The following MCM4 variants were observed in gnomAD, a reference collection of about 807,000 sequenced individuals.
MCM4 encodes the protein DNA replication licensing factor MCM4.
MCM4 carries 60 observed loss-of-function variants against 88.7 expected under a neutral mutation model. The observed-to-expected ratio is 0.68, with a 90% CI of 0.55 to 0.84. The LOEUF (loss-of-function observed/expected upper bound fraction) is 0.84. MCM4 is among the 40% of genes least tolerant of loss of function. The pLI is 0.00. For missense variants in MCM4, 1,149 were observed against 1,105.5 expected (o/e 1.04, Z -0.56); for synonymous variants, 465 against 410.5 (o/e 1.13, Z -1.61).
chr8:47,964,464 C>G, intron 7 of MCM4, 110 bp from the exon 8 acceptor site: 1 of 763,998 alleles, frequency 1.3e-6, no homozygotes, highest in East Asian at 2.7e-5. Flanking sequence ...TAGGGTAATA[C>G]TTTGGGGACA....
intron 3 of MCM4, 185 bp from the exon 4 acceptor site, chr8:47,961,868 A>G: frequency 1.1e-6 from 1 of 914,676 alleles, no homozygotes; most frequent in Non-Finnish European, 1.6e-6. Flanking sequence ...CTTAGTGAGC[A>G]GAGGAAGCAG....
chr8:47,974,465 C>T (rs776176036), intron 14 of MCM4: 14 of 413,734 alleles, frequency 3.4e-5, no homozygotes, highest in Non-Finnish European at 5.8e-5. Flanking sequence ...TTCAGAGCTA[C>T]GTTAGATGCC....
Position 47,969,225 on chromosome 8 carries a change from C to CTTTTG in MCM4, c.1175-549_1175-545dup, listed in dbSNP as rs112381873. ...ATTTGCAGAAACCTGGGTTCTTTCT[C>CTTTTG]TTTTGTTTTGTTTTGTTTTGTTTTG... On this transcript the variant is annotated intron_variant, in intron 10 of 16. Coordinates refer to ENST00000649973, the MANE Select transcript of MCM4 (RefSeq NM_182746.3). The CTTTTG allele has an allele frequency of 2.7e-3, 424 of 154,398 alleles. 2 individuals carry two copies. The highest frequency in any genetic ancestry group is 3.4e-3 in the Non-Finnish European group (238 of 69,630). 9.6% of individuals were successfully genotyped at this position (154,398 alleles called of 1,614,324 possible).
chr8:47,967,864 T>C (rs1270191432), intron 10 of MCM4, among the ~76,000 whole-genome samples: 1 of 152,186 alleles, frequency 6.6e-6, no homozygotes, highest in African/African-American at 2.4e-5. Flanking sequence ...CAGAGAAGTA[T>C]TACTCACCAA....
At chr8:47,963,257 A>G (rs2090864105) in intron 7 of MCM4, among the ~76,000 whole-genome samples, 1 of 152,216 alleles carries the variant, frequency 6.6e-6, no homozygotes, top group Non-Finnish European at 1.5e-5. Context: ...GTTTGAGACC[A>G]GCCTGGGCAA....
Position 47,973,044 on chromosome 8 carries a change from G to A in MCM4, c.2116G>A (p.Ala706Thr). The change falls in exon 14 of 17, where the codon GCC (alanine) becomes ACC (threonine). Residue 706 changes from alanine to threonine, a missense_variant. Coordinates refer to ENST00000649973, the MANE Select transcript of MCM4 (RefSeq NM_182746.3). ...STIMPRLSEE[A>T]SQALIEAYVD... The stretch of plus-strand genomic sequence containing the variant: ...CATCATGCCGCGGCTAAGTGAGGAA[G>A]CCAGCCAGGCTCTCATCGAGGTAAC... The A allele has an allele frequency of 6.2e-7, 1 of 1,613,670 alleles. No individual in the cohort carries two copies. Among genetic ancestry groups the A allele is most frequent in the Non-Finnish European group, 8.5e-7 (1 of 1,179,978 alleles).
intron 15 of MCM4, 33 bp downstream of exon 15, chr8:47,974,995 GA>G: frequency 1.3e-6 from 2 of 1,542,934 alleles, no homozygotes; most frequent in Non-Finnish European, 1.8e-6. Flanking sequence ...AAAAGCTTTT[GA>G]AAATTATTTC....
intron 14 of MCM4, among the ~76,000 whole-genome samples, chr8:47,973,279 C>T (rs533024796): frequency 9.9e-5 from 15 of 152,000 alleles, no homozygotes; most frequent in Admixed American, 2.6e-4. Context: ...TGGGTTCAAG[C>T]GATTCTCCTG....
At chr8:47,963,900 G>GA (rs2090872190) in intron 7 of MCM4, among the ~76,000 whole-genome samples, 1 of 152,192 alleles carries the variant, frequency 6.6e-6, no homozygotes, top group African/African-American at 2.4e-5. Flanking sequence ...GGAACCATAT[G>GA]TTAAGAAATT....
At chr8:47,961,938 A>G in intron 3 of MCM4, 115 bp from the exon 4 acceptor site, 3 of 1,038,336 alleles carry the variant, frequency 2.9e-6, no homozygotes, top group Non-Finnish European at 4.3e-6. Flanking sequence ...CAGCCACCGC[A>G]GGTTGCAATA....
intron 2 of MCM4, 120 bp from the exon 3 acceptor site, chr8:47,961,396 G>A: frequency 6.4e-7 from 1 of 1,569,832 alleles, no homozygotes; most frequent in Non-Finnish European, 8.6e-7. Context: ...TAATTCGATT[G>A]CCATTTGCCT....
At chr8:47,965,198 G>A (rs191935637) in intron 8 of MCM4, among the ~76,000 whole-genome samples, 188 of 150,584 alleles carry the variant, frequency 1.2e-3, no homozygotes, top group South Asian at 7.5e-3. Flanking sequence ...CTGGGTGACA[G>A]AATGAGACCC....
In MCM4 at chr8:47,964,692, T is replaced by G; in HGVS notation, c.812T>G (p.Met271Arg). 5 of 1,565,946 alleles carry G rather than the reference T, an allele frequency of 3.2e-6. No individual in the cohort carries two copies. Among genetic ancestry groups the G allele is most frequent in the Non-Finnish European group, 4.3e-6 (5 of 1,161,272 alleles). The change falls in exon 8 of 17, where the codon ATG (methionine) becomes AGG (arginine). Residue 271 changes from methionine (M) to arginine (R), a missense_variant. Met to Arg is a moderately conservative substitution (Grantham distance 91). Transcript: ENST00000649973. ...TTCAACGCATTGAAGACTAAGAATA[T>G]GAGAAACCTGAATCCAGAAGGTAAT... ...RPFNALKTKN[M>R]RNLNPEDIDQ... is the part of the protein sequence containing the mutation.
At position 47,975,632 on chromosome 8, in the gene MCM4, C is replaced by T. The variant is rs17334528; in HGVS notation, c.2366-83C>T. On this transcript the variant is annotated intron_variant, in intron 15 of 16. Transcript: ENST00000649973. ...TGTCGCCTTATCTTTCTAGGTGATA[C>T]TACTAAAGGAATATTTTTGAGAATT... 3.7e-3 allele frequency: 3,868 copies of T among 1,046,400 alleles called. 28 individuals are homozygous for T. The highest frequency in any genetic ancestry group is 0.024 in the South Asian group (1,300 of 53,324). The allele number at this position is 1,046,400 out of a possible 1,614,324, so 64.8% of individuals were successfully genotyped here. A position where few individuals can be genotyped will look rare whatever the true frequency, so the allele number is the denominator to read the frequency against.
In MCM4 at chr8:47,977,787, T is replaced by A. The variant is rs1391501417; in HGVS notation, c.*1009T>A. 1 of 152,064 alleles carries A rather than the reference T, an allele frequency of 6.6e-6. No individual in the cohort carries two copies. Among genetic ancestry groups the A allele is most frequent in the African/African-American group, 2.4e-5 (1 of 41,404 alleles). The allele number at this position is 152,064 out of a possible 1,614,324, so 9.4% of individuals were successfully genotyped here. On this transcript the variant is annotated 3_prime_UTR_variant, in exon 17 of 17. Coordinates refer to ENST00000649973, the MANE Select transcript of MCM4 (RefSeq NM_182746.3). ...GTTTTATTTTTTATTTTTTGAGAGG[T>A]ATGATTCTTTCTAGAGATTTTTTCT...
chr8:47,971,609 T>G (rs1372816959), intron 13 of MCM4, 141 bp downstream of exon 13: 10 of 840,630 alleles, frequency 1.2e-5, no homozygotes, highest in Non-Finnish European at 1.1e-5. Flanking sequence ...TCAAGAGTTT[T>G]CACGACAAGG....
chr8:47,962,020 T>A (rs1291679756), intron 3 of MCM4, 33 bp from the exon 4 acceptor site: 1 of 1,606,076 alleles, frequency 6.2e-7, no homozygotes. Flanking sequence ...AGGTTTGATA[T>A]GCCACCAGAA....
rs760802348 is a variant in MCM4 at position 47,962,070 on chromosome 8, G to T, written c.253G>T (p.Asp85Tyr). 40 of 1,613,948 alleles carry T rather than the reference G, an allele frequency of 2.5e-5. No individual in the cohort carries two copies. Among genetic ancestry groups the T allele is most frequent in the Non-Finnish European group, 3.3e-5 (39 of 1,180,004 alleles). Residue 85 changes from aspartate (D) to tyrosine (Y), a missense_variant, in exon 4 of 17, where the codon GAT (aspartate) becomes TAT (tyrosine). This residue lies in a region of MCM4 where 906 missense variants were observed against 843.0 expected (regional missense o/e 1.07). Transcript: ENST00000649973. ...MHSSAIPLDFDVSSPLTYGTP... is the reference protein window; with the variant it reads ...MHSSAIPLDFYVSSPLTYGTP... ...TTTTATAGCTATCCCTCTTGACTTT[G>T]ATGTTAGTTCACCACTGACATACGG...
In MCM4 at chr8:47,962,815, G is replaced by C; in HGVS notation, c.553G>C (p.Gly185Arg). 6.2e-7 allele frequency: 1 copy of C among 1,609,272 alleles called. No individual in the cohort carries two copies. The highest frequency in any genetic ancestry group is 1.1e-5 in the South Asian group (1 of 89,346). Residue 185 changes from glycine (G) to arginine (R), a missense_variant, in exon 6 of 17, where the codon GGC becomes CGC. Gly to Arg is a moderately radical substitution (Grantham distance 125). This residue lies in a region of MCM4 where 906 missense variants were observed against 843.0 expected (regional missense o/e 1.07). Coordinates refer to ENST00000649973, the MANE Select transcript of MCM4 (RefSeq NM_182746.3). ...TCTGGCTAAAGAAGAAGAAAATGTT[G>C]GCATAGATATTACTGAACCTCTATA... ...DPLAKEEENV[G>R]IDITEPLYMQ...
Sources: allele counts gnomAD v4.1 joint callset (sites outside exome capture counted in the v4.1 genomes callset), GRCh38; gene constraint gnomAD v4.1.1; regional missense constraint gnomAD v4.1.1; transcripts MANE v1.5; gene names NCBI Gene and HGNC (gene_info 2026-07-23, HGNC 2026-07-21).